Variants in MYO16 observed in about 807,000 individuals in gnomAD.
MYO16 encodes the protein myosin XVI.
In MYO16, 94 loss-of-function variants were observed where a neutral mutation model predicts 205.3. That is an observed-to-expected ratio of 0.46 (90% CI 0.39 to 0.54). The LOEUF (loss-of-function observed/expected upper bound fraction) is 0.54, where lower values mean the gene tolerates loss of function less well. Ranked by LOEUF, MYO16 falls within the 20% of genes least tolerant of loss-of-function variation. MYO16 has a pLI of 0.00. For synonymous variants in MYO16, 988 were observed against 954.0 expected (o/e 1.04, Z -0.66); for missense variants, 2,315 against 2,387.5 (o/e 0.97, Z 0.63).
rs375517055 is a variant in MYO16, at chr13:108,835,856, G to A, written c.1098-8487G>A. Among the ~76,000 whole-genome samples the A allele has an allele frequency of 3.9e-5, 6 of 152,280 alleles. No individual in the cohort carries two copies. In the East Asian group the frequency reaches 5.8e-4, roughly 15 times the overall value. On this transcript the variant is annotated intron_variant, in intron 9 of 34. Coordinates refer to ENST00000457511, the MANE Select transcript of MYO16 (RefSeq NM_001198950.3). ...GGTATCTGGCAGAATAAATTTCTAA[G>A]CAGCAAAGCGTTCAAAAGGAAACAG...
At chr13:108,499,914 T>C in the MYO16 span, among the ~76,000 whole-genome samples, 1 of 152,168 alleles carries the variant, frequency 6.6e-6, no homozygotes, top group African/African-American at 2.4e-5. Flanking sequence ...TGGAAGTCCA[T>C]TCCTGAGCTC....
intron 28 of MYO16, 96 bp downstream of exon 28, chr13:109,100,983 C>A (rs56414043): frequency 0.018 from 19,794 of 1,072,334 alleles, 257 homozygotes; most frequent in Non-Finnish European, 0.022. Flanking sequence ...CTGGCAAAAA[C>A]AAATTCCTTT....
intron 2 of MYO16, among the ~76,000 whole-genome samples, chr13:108,667,092 T>C (rs1424753867): frequency 1.3e-5 from 2 of 152,230 alleles, no homozygotes; most frequent in African/African-American, 4.8e-5. Context: ...AAACTTTCAC[T>C]GACCTACTTA....
At chr13:109,169,609 C>T (rs1342164122) in intron 33 of MYO16, among the ~76,000 whole-genome samples, 2 of 146,080 alleles carry the variant, frequency 1.4e-5, no homozygotes, top group Non-Finnish European at 3.1e-5. Flanking sequence ...TACAAATTTA[C>T]ATAAACAAAT....
rs374661861 is a variant in MYO16 at position 108,798,855 on chromosome 13, G to A, written c.741+5215G>A. ...CGAGTAGCTGGGACTACAGGCGCCC[G>A]CCACCGCGCCCGGCTAATTTTTTGT... is the stretch of plus-strand genomic sequence containing the variant. On this transcript the variant is annotated intron_variant, in intron 6 of 34. Coordinates refer to ENST00000457511, the MANE Select transcript of MYO16 (RefSeq NM_001198950.3). Among the ~76,000 whole-genome samples the A allele has an allele frequency of 2.4e-3, 344 of 145,840 alleles. 13 individuals carry two copies. In the East Asian group the frequency reaches 0.059, roughly 25 times the overall value.
the MYO16 span, among the ~76,000 whole-genome samples, chr13:108,561,428 A>G: frequency 6.6e-6 from 1 of 152,258 alleles, no homozygotes; most frequent in Non-Finnish European, 1.5e-5. Context: ...GGGTAATTAA[A>G]TGGAACTCTC....
intron 1 of MYO16, among the ~76,000 whole-genome samples, chr13:108,658,216 T>A (rs1267723525): frequency 6.6e-6 from 1 of 152,140 alleles, no homozygotes; most frequent in Non-Finnish European, 1.5e-5. Flanking sequence ...TTATTTCTGG[T>A]CTATAGATTT....
At chr13:108,801,032 C>T (rs1365479458) in intron 6 of MYO16, among the ~76,000 whole-genome samples, 1 of 152,062 alleles carries the variant, frequency 6.6e-6, no homozygotes, top group Admixed American at 6.5e-5. Flanking sequence ...TAACATTTTG[C>T]ATTAAAGAGT....
At position 108,706,278 on chromosome 13, in the gene MYO16, A is replaced by T. The variant is rs1926525; in HGVS notation, c.293-6383A>T. The stretch of plus-strand genomic sequence containing the variant: ...AGTTGATTGTACGTGGCTGAAAAGG[A>T]TTTCATATTGTGGCAGGGCAGTAGA... On this transcript the variant is annotated intron_variant, in intron 2 of 34. Transcript: ENST00000457511. Among the ~76,000 whole-genome samples the T allele has an allele frequency of 1.8e-4, 27 of 152,174 alleles. No homozygotes were observed. The South Asian group carries it at 5.4e-3, about 30-fold the overall frequency.
At chr13:108,613,519 C>G (rs1002838456) in intron 1 of MYO16, among the ~76,000 whole-genome samples, 1 of 152,050 alleles carries the variant, frequency 6.6e-6, no homozygotes, top group East Asian at 1.9e-4. Flanking sequence ...CTCTATGCAG[C>G]CAGAATGCCC....
chr13:108,883,099 C>T lies in MYO16; in HGVS notation c.1466C>T (p.Ser489Phe). 3 of 1,614,102 alleles carry T rather than the reference C, an allele frequency of 1.9e-6. No homozygotes were observed. The highest frequency in any genetic ancestry group is 2.5e-6 in the Non-Finnish European group (3 of 1,180,002). The change falls in exon 13 of 35, where the codon TCC (serine) becomes TTC (phenylalanine). Residue 489 changes from serine (S) to phenylalanine (F), a missense_variant. By Grantham distance (155) the Ser-to-Phe change is radical. Transcript: ENST00000457511. ...LYFSSSGKLC[S>F]SLPPHLFSCV... ...TTCAGCTCCTCAGGGAAGCTGTGTT[C>T]CTCGCTGCCTCCTCACCTCTTCTCC...
intron 31 of MYO16, among the ~76,000 whole-genome samples, chr13:109,133,307 G>A (rs1392258722): frequency 3.3e-5 from 5 of 152,152 alleles, no homozygotes; most frequent in Non-Finnish European, 1.5e-5. Context: ...TAGAAGTGTT[G>A]GAAAATGGAG....
the MYO16 span, among the ~76,000 whole-genome samples, chr13:108,543,996 C>T: frequency 3.9e-5 from 5 of 129,286 alleles, no homozygotes; most frequent in South Asian, 5.0e-4. Context: ...ACTTGGGAGG[C>T]GGAGGTTGCA....
At chr13:109,022,657 A>G (rs1230007795) in intron 23 of MYO16, among the ~76,000 whole-genome samples, 7 of 123,102 alleles carry the variant, frequency 5.7e-5, no homozygotes, top group Non-Finnish European at 1.1e-4. Context: ...ACATATGTAT[A>G]TATTTATATA....
the MYO16 span, among the ~76,000 whole-genome samples, chr13:108,561,919 T>A: frequency 2.0e-5 from 3 of 152,338 alleles, no homozygotes; most frequent in East Asian, 3.9e-4. Flanking sequence ...AGAATGTTTA[T>A]AAGGACATCA....
At chr13:108,931,038 G>A (rs932140062) in intron 16 of MYO16, among the ~76,000 whole-genome samples, 5 of 152,210 alleles carry the variant, frequency 3.3e-5, no homozygotes, top group Non-Finnish European at 7.3e-5. Context: ...GCAGTCATGA[G>A]AGGAGGATGT....
At chr13:108,752,571 C>G (rs1041754465) in intron 4 of MYO16, among the ~76,000 whole-genome samples, 4 of 151,930 alleles carry the variant, frequency 2.6e-5, no homozygotes, top group Non-Finnish European at 5.9e-5. Context: ...AAGCTTATGC[C>G]ATTAAACTTT....
chr13:109,023,332 T>A lies in MYO16; in HGVS notation c.2796+3421T>A, dbSNP rs1364462021. Among the ~76,000 whole-genome samples the A allele has an allele frequency of 1.6e-3, 113 of 72,592 alleles. 1 individual carries two copies. The highest frequency in any genetic ancestry group is 2.4e-3 in the Non-Finnish European group (101 of 42,684). The allele number at this position is 72,592 out of a possible 152,430, so 47.6% of individuals were successfully genotyped here. ...TATATATTTATATATTATACAGATA[T>A]AAATATATATTTATATATTATACAG... On this transcript the variant is annotated intron_variant, in intron 23 of 34. Coordinates refer to ENST00000457511, the MANE Select transcript of MYO16 (RefSeq NM_001198950.3).
At position 108,995,155 on chromosome 13, in the gene MYO16, G is replaced by A. The variant is rs186304201; in HGVS notation, c.2442+2707G>A. 5.3e-5 allele frequency among the ~76,000 whole-genome samples: 8 copies of A among 152,332 alleles called. No individual in the cohort carries two copies. In the East Asian group the frequency reaches 1.5e-3, roughly 29 times the overall value. ...AAATTTATCGCTCACAGTTCTGGAG[G>A]CCAGGAAATGTAAGATCAAGATGGC... On this transcript the variant is annotated intron_variant, in intron 21 of 34. Coordinates refer to ENST00000457511, the MANE Select transcript of MYO16 (RefSeq NM_001198950.3).
Sources: allele counts gnomAD v4.1 joint callset (sites outside exome capture counted in the v4.1 genomes callset), GRCh38; gene constraint gnomAD v4.1.1; transcripts MANE v1.5; gene names NCBI Gene and HGNC (gene_info 2026-07-23, HGNC 2026-07-21).